The following AEBP2 variants were observed in gnomAD, a reference collection of about 807,000 sequenced individuals.
The protein encoded by AEBP2 is zinc finger protein AEBP2.
Under a neutral mutation model 50.8 loss-of-function variants are expected in AEBP2, and 10 were observed. The ratio of observed to expected loss-of-function variants is 0.20; its 90% CI spans 0.12 to 0.33. AEBP2 has a LOEUF of 0.33. Ranked by LOEUF, AEBP2 falls within the 10% of genes least tolerant of loss-of-function variation. AEBP2 has a pLI of 1.00. For synonymous variants in AEBP2, 296 were observed against 261.3 expected (o/e 1.13, Z -1.28); for missense variants, 570 against 688.0 (o/e 0.83, Z 1.92).
intron 2 of AEBP2, among the ~76,000 whole-genome samples, chr12:19,465,090 T>G (rs902760287): frequency 6.6e-6 from 1 of 152,210 alleles, no homozygotes; most frequent in East Asian, 1.9e-4. Context: ...ATTCTCTAGC[T>G]GATTTTAAGA....
chr12:19,496,062 A>G (rs905684980), intron 4 of AEBP2, among the ~76,000 whole-genome samples: 1 of 152,102 alleles, frequency 6.6e-6, no homozygotes, highest in African/African-American at 2.4e-5. Context: ...AGTTTCACCT[A>G]TCCTCATTAT....
intron 5 of AEBP2, among the ~76,000 whole-genome samples, chr12:19,505,509 G>T (rs1446563583): frequency 3.9e-5 from 6 of 152,198 alleles, no homozygotes; most frequent in African/African-American, 1.4e-4. Context: ...AACTTGTAAT[G>T]AGGGCATAAG....
chr12:19,512,131 C>T (rs1334899255), intron 5 of AEBP2, among the ~76,000 whole-genome samples: 1 of 152,004 alleles, frequency 6.6e-6, no homozygotes, highest in African/African-American at 2.4e-5. Flanking sequence ...AAGTGATTCT[C>T]CTGCCTCAGC....
intron 1 of AEBP2, among the ~76,000 whole-genome samples, chr12:19,421,344 C>CAAAAAAAAAAAAAAAAAAAAAAA (rs375160231): frequency 2.4e-5 from 2 of 82,444 alleles, no homozygotes; most frequent in Non-Finnish European, 4.5e-5. Context: ...GACTCTGTCT[C>CAAAAAAAAAAAAAAAAAAAAAAA]AAAAAAAAAA....
chr12:19,457,402 T>G (rs560357096), intron 1 of AEBP2: 2 of 1,459,528 alleles, frequency 1.4e-6, no homozygotes, highest in African/African-American at 2.8e-5. Flanking sequence ...TAGCACTTGC[T>G]GTTCTCAAAT....
chr12:19,495,061 A>G (rs1246343374), intron 4 of AEBP2, among the ~76,000 whole-genome samples: 2 of 152,052 alleles, frequency 1.3e-5, no homozygotes, highest in East Asian at 1.9e-4. Flanking sequence ...ACCCGCCACC[A>G]CGACTGGCTA....
At chr12:19,493,412 T>C (rs1948923627) in intron 3 of AEBP2, among the ~76,000 whole-genome samples, 1 of 152,062 alleles carries the variant, frequency 6.6e-6, no homozygotes, top group Non-Finnish European at 1.5e-5. Context: ...AAAATAAAAA[T>C]AAAATTCAGG....
chr12:19,502,508 A>G (rs1368019459), intron 5 of AEBP2, among the ~76,000 whole-genome samples: 3 of 152,086 alleles, frequency 2.0e-5, no homozygotes, highest in Admixed American at 6.6e-5. Context: ...TGGTTAGCCA[A>G]TTTCTCCAGT....
chr12:19,473,138 G>T, intron 2 of AEBP2, 110 bp from the exon 3 acceptor site: 2 of 412,538 alleles, frequency 4.8e-6, no homozygotes, highest in Non-Finnish European at 8.0e-6. Flanking sequence ...TGTACATTCA[G>T]TAGCTCTTGT....
At chr12:19,408,146 G>A (rs765016894) in intron 1 of AEBP2, among the ~76,000 whole-genome samples, 8 of 151,972 alleles carry the variant, frequency 5.3e-5, no homozygotes, top group East Asian at 3.9e-4. Flanking sequence ...TAGAGAATAC[G>A]TATGTGTAGC....
intron 5 of AEBP2, among the ~76,000 whole-genome samples, chr12:19,501,047 A>G (rs1949065325): frequency 6.6e-6 from 1 of 152,170 alleles, no homozygotes; most frequent in Non-Finnish European, 1.5e-5. Context: ...GACAAAATAC[A>G]GGCCGGGCGT....
chr12:19,464,132 ATCT>A (rs1948428917), intron 2 of AEBP2, among the ~76,000 whole-genome samples: 3 of 152,166 alleles, frequency 2.0e-5, no homozygotes, highest in Admixed American at 2.0e-4. Context: ...CTTACCTATG[ATCT>A]GTTAACTAAC....
At chr12:19,472,625 T>C (rs1044669951) in intron 2 of AEBP2, among the ~76,000 whole-genome samples, 2 of 152,062 alleles carry the variant, frequency 1.3e-5, no homozygotes, top group African/African-American at 4.8e-5. Context: ...CCAGACAGGG[T>C]CTCAAATATC....
rs924233283 is a variant in AEBP2, at chr12:19,439,626, G to C, written c.-74G>C. On this transcript the variant is annotated 5_prime_UTR_variant, in exon 1 of 8. Coordinates refer to ENST00000266508, the MANE Select transcript of AEBP2 (RefSeq NM_153207.5). ...GGCGGAGTTTTGGGCGTTTGGGAGGGGGGCGAGGGAGAGAGAGTCGAGAGA... is the reference window on the plus strand; with the variant it reads ...GGCGGAGTTTTGGGCGTTTGGGAGGCGGGCGAGGGAGAGAGAGTCGAGAGA... 12 of 1,479,742 alleles carry C rather than the reference G, an allele frequency of 8.1e-6. No individual in the cohort carries two copies. Among genetic ancestry groups the C allele is most frequent in the African/African-American group, 1.4e-5 (1 of 69,018 alleles). The allele number at this position is 1,479,742 out of a possible 1,614,324, so 91.7% of individuals were successfully genotyped here.
intron 5 of AEBP2, among the ~76,000 whole-genome samples, chr12:19,506,749 G>A (rs1949160711): frequency 6.6e-6 from 1 of 152,210 alleles, no homozygotes; most frequent in Non-Finnish European, 1.5e-5. Context: ...AGTATTTCAA[G>A]TGAGAATGAT....
intron 1 of AEBP2, among the ~76,000 whole-genome samples, chr12:19,423,608 A>C (rs1285905512): frequency 1.3e-5 from 2 of 152,248 alleles, no homozygotes; most frequent in African/African-American, 2.4e-5. Flanking sequence ...TATATAAATC[A>C]GCGGATGCTA....
At chr12:19,416,895 G>A (rs1484439142) in intron 1 of AEBP2, among the ~76,000 whole-genome samples, 3 of 123,830 alleles carry the variant, frequency 2.4e-5, no homozygotes, top group Non-Finnish European at 3.4e-5. Context: ...TTTTTGAGTT[G>A]GAATCTCGCT....
intron 5 of AEBP2, among the ~76,000 whole-genome samples, chr12:19,504,410 T>A (rs949753249): frequency 1.4e-3 from 207 of 151,596 alleles, no homozygotes; most frequent in African/African-American, 4.7e-3. Flanking sequence ...CTAATTTTTT[T>A]GTATTTTTTT....
chr12:19,454,393 A>AG (rs1323466775), intron 1 of AEBP2, among the ~76,000 whole-genome samples: 1 of 152,196 alleles, frequency 6.6e-6, no homozygotes. Context: ...CCTTAAGTGA[A>AG]GGGAGGATTC....
Sources: allele counts gnomAD v4.1 joint callset (sites outside exome capture counted in the v4.1 genomes callset), GRCh38; gene constraint gnomAD v4.1.1; transcripts MANE v1.5; gene names NCBI Gene and HGNC (gene_info 2026-07-23, HGNC 2026-07-21).